The following PGGT1B variants were observed in gnomAD, a reference collection of about 807,000 sequenced individuals.
PGGT1B encodes geranylgeranyl transferase type-1 subunit beta.
A neutral mutation model predicts 46.1 loss-of-function variants in PGGT1B; 30 were observed. That is an observed-to-expected ratio of 0.65 (90% CI 0.49 to 0.88). PGGT1B has a LOEUF of 0.88. PGGT1B is among the 40% of genes least tolerant of loss of function. PGGT1B has a pLI of 0.00. For synonymous variants in PGGT1B, 170 were observed against 160.0 expected (o/e 1.06, Z -0.47); for missense variants, 376 against 455.9 (o/e 0.82, Z 1.60).
chr5:115,259,470 A>G (rs1748458191), intron 1 of PGGT1B, among the ~76,000 whole-genome samples: 1 of 152,152 alleles, frequency 6.6e-6, no homozygotes, highest in Non-Finnish European at 1.5e-5. Flanking sequence ...CGGGCGGATC[A>G]CAAGGCCAAG....
At chr5:115,243,066 T>C (rs921326200) in intron 2 of PGGT1B, among the ~76,000 whole-genome samples, 1 of 152,350 alleles carries the variant, frequency 6.6e-6, no homozygotes, top group Admixed American at 6.5e-5. Context: ...CTTGCCAATA[T>C]ATAACAGAAG....
intron 8 of PGGT1B, among the ~76,000 whole-genome samples, chr5:115,216,369 A>T (rs1756417430): frequency 1.3e-5 from 2 of 152,046 alleles, no homozygotes; most frequent in Admixed American, 1.3e-4. Context: ...TGAACTCCTG[A>T]CCTCAAGTGA....
rs771167808 is a variant in PGGT1B, at chr5:115,262,798, C to G, written c.54G>C (p.Leu18=). The G allele has an allele frequency of 9.3e-6, 15 of 1,612,988 alleles. No individual in the cohort carries two copies. The Admixed American group carries it at 2.5e-4, about 27-fold the overall frequency. ...GCACGTGCCGATCCCGTAAGAAATC[C>G]AGCCGCTCTCCCTCACCGCTCCCTG... The part of the protein sequence containing the change: ...RLAGSGEGER[L]DFLRDRHVRF... The change falls in exon 1 of 9, where the codon CTG becomes CTC. Residue 18 remains leucine, a synonymous_variant. Coordinates refer to ENST00000419445, the MANE Select transcript of PGGT1B (RefSeq NM_005023.4).
At chr5:115,247,502 G>A (rs912995971) in intron 2 of PGGT1B, among the ~76,000 whole-genome samples, 3 of 152,120 alleles carry the variant, frequency 2.0e-5, no homozygotes, top group Non-Finnish European at 4.4e-5. Flanking sequence ...GAATTCAAGT[G>A]AGGAATGTGG....
Position 115,259,236 on chromosome 5 carries a change from G to C in PGGT1B, c.140+3476C>G, listed in dbSNP as rs375035580. On this transcript the variant is annotated intron_variant, in intron 1 of 8. Transcript: ENST00000419445. ...ACTTTAGCCTGCTTTAGAACCACCT[G>C]AGATGCGTGTTATAATGCAGACTCC... 2.0e-5 allele frequency among the ~76,000 whole-genome samples: 3 copies of C among 152,160 alleles called. No homozygotes were observed. In the East Asian group the frequency reaches 5.8e-4, roughly 29 times the overall value.
rs1756064596 is a variant in PGGT1B, at chr5:115,206,418, A to G, written c.*5984T>C. On this transcript the variant is annotated 3_prime_UTR_variant, in exon 9 of 9. Coordinates refer to ENST00000419445, the MANE Select transcript of PGGT1B (RefSeq NM_005023.4). ...ATTTTTTAAAATTGTAAATATCTGA[A>G]TAATTAAGCACCAGTAATCTCAATA... The G allele has an allele frequency of 6.6e-6, 1 of 152,042 alleles. No individual in the cohort carries two copies. Among genetic ancestry groups the G allele is most frequent in the Admixed American group, 6.6e-5 (1 of 15,238 alleles). 9.4% of individuals were successfully genotyped at this position (152,042 alleles called of 1,614,324 possible). A position where few individuals can be genotyped will look rare whatever the true frequency, so the allele number is the denominator to read the frequency against.
chr5:115,223,388 T>C (rs548791810), intron 6 of PGGT1B, among the ~76,000 whole-genome samples: 18 of 152,246 alleles, frequency 1.2e-4, no homozygotes, highest in Admixed American at 9.2e-4. Flanking sequence ...TGGGCCCTAA[T>C]TGTACTCACA....
At chr5:115,262,477 G>T (rs571310237) in intron 1 of PGGT1B, 3 of 523,004 alleles carry the variant, frequency 5.7e-6, no homozygotes, top group Non-Finnish European at 1.0e-5. Flanking sequence ...AGAAGAAAAG[G>T]GAAGTGAAAA....
At chr5:115,238,469 G>T (rs540882713) in intron 3 of PGGT1B, among the ~76,000 whole-genome samples, 1 of 151,408 alleles carries the variant, frequency 6.6e-6, no homozygotes, top group South Asian at 2.1e-4. Context: ...ACCATGCCTG[G>T]CTAAATTATT....
chr5:115,235,162 G>A (rs1172290729), intron 5 of PGGT1B, among the ~76,000 whole-genome samples: 1 of 151,906 alleles, frequency 6.6e-6, no homozygotes, highest in African/African-American at 2.4e-5. Flanking sequence ...CTACTAAAAG[G>A]GGTTCCACAG....
chr5:115,258,353 C>T (rs762509201), intron 1 of PGGT1B, among the ~76,000 whole-genome samples: 37 of 152,352 alleles, frequency 2.4e-4, no homozygotes, highest in Non-Finnish European at 4.4e-4. Context: ...GCATCTCTCT[C>T]CTGGACTACC....
chr5:115,221,764 T>A, intron 7 of PGGT1B, 60 bp downstream of exon 7: 1 of 1,077,766 alleles, frequency 9.3e-7, no homozygotes, highest in Non-Finnish European at 1.3e-6. Flanking sequence ...ATCAAACCTT[T>A]TTAGCACAAT....
rs1748181563 is a variant in PGGT1B, at chr5:115,253,261, A to T, written c.141-6T>A. 1 of 1,574,046 alleles carries T rather than the reference A, an allele frequency of 6.4e-7. No homozygotes were observed. The highest frequency in any genetic ancestry group is 8.6e-7 in the Non-Finnish European group (1 of 1,166,190). On this transcript the variant is annotated splice_polypyrimidine_tract_variant and splice_region_variant and intron_variant, in intron 1 of 8. Coordinates refer to ENST00000419445, the MANE Select transcript of PGGT1B (RefSeq NM_005023.4). ...CAAAAAATGCAATTGTCAACCTAAA[A>T]GAAAAAAATGTAAAATTCCATCTTA...
At chr5:115,260,894 T>G (rs2127038885) in intron 1 of PGGT1B, among the ~76,000 whole-genome samples, 1 of 152,326 alleles carries the variant, frequency 6.6e-6, no homozygotes, top group South Asian at 2.1e-4. Context: ...CTATATGGAT[T>G]TGTCCAAGCT....
Position 115,236,402 on chromosome 5 carries a change from A to G in PGGT1B, c.600T>C (p.Ile200=), listed in dbSNP as rs1339872523. 1 of 1,592,702 alleles carries G rather than the reference A, an allele frequency of 6.3e-7. No homozygotes were observed. Among genetic ancestry groups the G allele is most frequent in the South Asian group, 1.2e-5 (1 of 86,622 alleles). The change falls in exon 5 of 9, where the codon ATT becomes ATC. Residue 200 remains isoleucine, a synonymous_variant. Coordinates refer to ENST00000419445, the MANE Select transcript of PGGT1B (RefSeq NM_005023.4). ...CAACAGAACTCACCATACTCCTTCTAATATAGGTGATGGCTTTTTTCATAT... is the reference window on the plus strand; with the variant it reads ...CAACAGAACTCACCATACTCCTTCTGATATAGGTGATGGCTTTTTTCATAT... ...GMDMKKAITY[I]RRSMSYDNGL...
rs142165892 is a variant in PGGT1B, at chr5:115,216,172, C to T, written c.952+693G>A. ...TTTTTTTTTGAGACAAAGAGTCTCG[C>T]TCTGTCACACAGGCTGGAGGGCAGT... is the stretch of plus-strand genomic sequence containing the variant. On this transcript the variant is annotated intron_variant, in intron 8 of 8. Transcript: ENST00000419445. Among the ~76,000 whole-genome samples the T allele has an allele frequency of 2.9e-3, 435 of 152,152 alleles. 1 individual carries two copies. Among genetic ancestry groups the T allele is most frequent in the African/African-American group, 9.7e-3 (404 of 41,510 alleles).
intron 6 of PGGT1B, among the ~76,000 whole-genome samples, chr5:115,228,066 C>G (rs533215699): frequency 6.6e-6 from 1 of 152,286 alleles, no homozygotes; most frequent in African/African-American, 2.4e-5. Context: ...ATCAATAAAT[C>G]TACGTTATTT....
intron 7 of PGGT1B, among the ~76,000 whole-genome samples, chr5:115,218,934 T>C (rs923434376): frequency 2.0e-5 from 3 of 151,832 alleles, no homozygotes; most frequent in African/African-American, 7.2e-5. Flanking sequence ...CTACAAAACA[T>C]TGCTGAAAGA....
chr5:115,254,905 G>A (rs1748249602), intron 1 of PGGT1B, among the ~76,000 whole-genome samples: 1 of 152,014 alleles, frequency 6.6e-6, no homozygotes. Flanking sequence ...ATCTAGGTAA[G>A]ATCAGGATTA....
Sources: allele counts gnomAD v4.1 joint callset (sites outside exome capture counted in the v4.1 genomes callset), GRCh38; gene constraint gnomAD v4.1.1; transcripts MANE v1.5; gene names NCBI Gene and HGNC (gene_info 2026-07-23, HGNC 2026-07-21).